Variants in DPY19L2 observed in about 807,000 individuals in gnomAD.
DPY19L2 encodes probable C-mannosyltransferase DPY19L2.
A neutral mutation model predicts 97.9 loss-of-function variants in DPY19L2; 34 were observed. That is an observed-to-expected ratio of 0.35 (90% CI 0.26 to 0.46). The LOEUF is 0.46. Among genes scored for constraint, DPY19L2 ranks in the 20% least tolerant of loss-of-function variants. The probability of loss-of-function intolerance (pLI) is 1.00; values close to 1 mark genes in which losing one functional copy is unlikely to be tolerated. For missense variants in DPY19L2, 623 were observed against 911.4 expected (o/e 0.68, Z 4.07); for synonymous variants, 230 against 307.9 (o/e 0.75, Z 2.65).
At chr12:63,614,680 A>G (rs1391718133) in intron 11 of DPY19L2, among the ~76,000 whole-genome samples, 1 of 152,142 alleles carries the variant, frequency 6.6e-6, no homozygotes, top group Non-Finnish European at 1.5e-5. Context: ...AATACAGGAT[A>G]GAAAGAGTTA....
At chr12:63,654,690 T>C (rs1338719617) in intron 4 of DPY19L2, among the ~76,000 whole-genome samples, 2 of 152,092 alleles carry the variant, frequency 1.3e-5, no homozygotes, top group Non-Finnish European at 2.9e-5. Flanking sequence ...ACGATGCCAT[T>C]ATCAGAAAAA....
intron 21 of DPY19L2, among the ~76,000 whole-genome samples, 171 bp downstream of exon 21, chr12:63,569,053 T>C (rs1356334258): frequency 2.0e-5 from 3 of 152,012 alleles, no homozygotes; most frequent in Admixed American, 6.6e-5. Flanking sequence ...TTCTACTTCA[T>C]TGATAGTATA....
intron 5 of DPY19L2, among the ~76,000 whole-genome samples, chr12:63,645,963 T>C (rs1279739348): frequency 2.0e-5 from 3 of 152,106 alleles, no homozygotes; most frequent in Non-Finnish European, 2.9e-5. Flanking sequence ...CTTGCTTATA[T>C]TCCCAGCACC....
chr12:63,651,745 C>A (rs186045993), intron 4 of DPY19L2: 30 of 347,832 alleles, frequency 8.6e-5, no homozygotes, highest in Middle Eastern at 7.5e-4. Flanking sequence ...ACGGAGTTCC[C>A]AAGCTTCATG....
intron 5 of DPY19L2, 96 bp downstream of exon 5, chr12:63,647,149 A>T (rs1893522482): frequency 2.8e-6 from 3 of 1,080,526 alleles, no homozygotes; most frequent in Admixed American, 6.1e-5. Flanking sequence ...TTTTAAATCA[A>T]CAACAGAATT....
At chr12:63,621,515 G>A (rs899330076) in intron 8 of DPY19L2, among the ~76,000 whole-genome samples, 178 bp from the exon 9 acceptor site, 1 of 152,058 alleles carries the variant, frequency 6.6e-6, no homozygotes, top group Admixed American at 6.5e-5. Context: ...TTCATTCCTT[G>A]CATGAAGCAA....
chr12:63,610,875 A>AAAAC (rs1367187433), intron 11 of DPY19L2, among the ~76,000 whole-genome samples: 6 of 103,478 alleles, frequency 5.8e-5, no homozygotes, highest in Non-Finnish European at 8.0e-5. Flanking sequence ...AAAAAAAAAA[A>AAAAC]CCACACACAC....
chr12:63,628,117 C>T (rs747246479), intron 6 of DPY19L2, among the ~76,000 whole-genome samples: 8 of 152,102 alleles, frequency 5.3e-5, no homozygotes, highest in Non-Finnish European at 8.8e-5. Context: ...GGAACAGCTC[C>T]AGTCTACAGC....
chr12:63,664,169 T>C (rs921757462), intron 2 of DPY19L2, among the ~76,000 whole-genome samples: 1 of 151,980 alleles, frequency 6.6e-6, no homozygotes, highest in Non-Finnish European at 1.5e-5. Context: ...AAACCCCGTC[T>C]GTACTAAAAA....
intron 6 of DPY19L2, among the ~76,000 whole-genome samples, chr12:63,629,826 G>A (rs1005195607): frequency 6.6e-6 from 1 of 152,096 alleles, no homozygotes; most frequent in African/African-American, 2.4e-5. Context: ...GAAAGGTCAG[G>A]TTACCCACAA....
intron 19 of DPY19L2, among the ~76,000 whole-genome samples, chr12:63,573,215 A>C (rs992887825): frequency 1.3e-5 from 2 of 152,138 alleles, no homozygotes; most frequent in African/African-American, 4.8e-5. Flanking sequence ...AACACAGAGA[A>C]GGAATTAGTA....
At chr12:63,594,157 A>T (rs1256650253) in intron 15 of DPY19L2, 24 bp from the exon 16 acceptor site, 2 of 1,496,908 alleles carry the variant, frequency 1.3e-6, no homozygotes, top group South Asian at 2.5e-5. Flanking sequence ...CAAATCAATG[A>T]AACTTTTGTA....
At chr12:63,597,297 T>C (rs1442342214) in intron 14 of DPY19L2, among the ~76,000 whole-genome samples, 2 of 152,110 alleles carry the variant, frequency 1.3e-5, no homozygotes, top group South Asian at 2.1e-4. Context: ...CTTTATAACA[T>C]GAAGTTTTTA....
intron 4 of DPY19L2, among the ~76,000 whole-genome samples, chr12:63,648,690 C>A (rs1244032428): frequency 6.6e-6 from 1 of 151,950 alleles, no homozygotes; most frequent in Non-Finnish European, 1.5e-5. Context: ...CAAGATGGTG[C>A]CTTCCCCCTT....
intron 21 of DPY19L2, among the ~76,000 whole-genome samples, chr12:63,566,158 A>G (rs1877643861): frequency 6.6e-6 from 1 of 152,078 alleles, no homozygotes; most frequent in South Asian, 2.1e-4. Flanking sequence ...GTTTGGAAGA[A>G]TTTAGTCCTC....
chr12:63,593,110 G>C (rs989945980), intron 16 of DPY19L2, among the ~76,000 whole-genome samples: 3 of 151,892 alleles, frequency 2.0e-5, no homozygotes, highest in African/African-American at 7.3e-5. Flanking sequence ...ACACCAGTTA[G>C]AATGGCGATC....
intron 7 of DPY19L2, among the ~76,000 whole-genome samples, chr12:63,625,767 T>C (rs1889426874): frequency 6.6e-6 from 1 of 152,062 alleles, no homozygotes; most frequent in African/African-American, 2.4e-5. Flanking sequence ...CTTTCATTGT[T>C]GTTAAGGGGA....
chr12:63,560,568 G>T lies in DPY19L2; in HGVS notation c.2221C>A (p.Pro741Thr), dbSNP rs753909113. The T allele has an allele frequency of 1.5e-5, 24 of 1,613,864 alleles. No individual in the cohort carries two copies. The highest frequency in any genetic ancestry group is 2.2e-5 in the East Asian group (1 of 44,876). The change falls in exon 22 of 22, where the codon CCT becomes ACT. Residue 741 changes from proline to threonine, a missense_variant. Physicochemically the swap from Pro to Thr is conservative, Grantham distance 38. Around this residue, in one of 6 missense-constraint regions of DPY19L2, gnomAD observed 294 missense variants for 446.2 expected, o/e 0.66. Coordinates refer to ENST00000324472, the MANE Select transcript of DPY19L2 (RefSeq NM_173812.5). ...TTCTGAAATACTGTGGTGAAGTAAG[G>T]CCTGGCGTCTTCGAGCAGGACGCTA... is the stretch of plus-strand genomic sequence containing the variant. ...LCSVLLEDARPYFTTVFQNSV... is the reference protein window; with the variant it reads ...LCSVLLEDARTYFTTVFQNSV...
intron 11 of DPY19L2, among the ~76,000 whole-genome samples, chr12:63,616,308 T>C (rs1887813629): frequency 6.6e-6 from 1 of 152,206 alleles, no homozygotes; most frequent in African/African-American, 2.4e-5. Flanking sequence ...GAGCACACTA[T>C]TAGGAGTCCT....
Sources: gnomAD v4.1 joint callset for allele counts (sites outside exome capture counted in the v4.1 genomes callset) on GRCh38, gnomAD v4.1.1 for gene constraint, gnomAD v4.1.1 regional missense constraint, MANE v1.5 for transcripts, NCBI Gene and HGNC (gene_info 2026-07-23, HGNC 2026-07-21) for gene names.